Variants in FAM171A1 observed in about 807,000 individuals in gnomAD.
The protein encoded by FAM171A1 is family with sequence similarity 171 member A1.
In FAM171A1, 23 loss-of-function variants were observed where a neutral mutation model predicts 74.9. The ratio of observed to expected loss-of-function variants is 0.31; its 90% CI spans 0.22 to 0.44. The LOEUF is 0.44. Among genes scored for constraint, FAM171A1 ranks in the 20% least tolerant of loss-of-function variants. The pLI is 1.00. For synonymous variants in FAM171A1, 527 were observed against 505.7 expected (o/e 1.04, Z -0.57); for missense variants, 1,162 against 1,159.2 (o/e 1.00, Z -0.03).
At chr10:15,348,598 A>T (rs1010959897) in intron 1 of FAM171A1, among the ~76,000 whole-genome samples, 4 of 152,174 alleles carry the variant, frequency 2.6e-5, no homozygotes, top group Non-Finnish European at 4.4e-5. Context: ...CTAACCATCA[A>T]GCCTGGATGT....
chr10:15,213,782 G>A lies in FAM171A1; in HGVS notation c.1806C>T (p.Val602=). The change falls in exon 8 of 8, where the codon GTC becomes GTT. Residue 602 remains valine (V), a synonymous_variant. Coordinates refer to ENST00000378116, the MANE Select transcript of FAM171A1 (RefSeq NM_001010924.2). This position sits in a 1 kb window ranked among gnomAD's most constrained non-coding sequence, Gnocchi z 6.8. ...GDHSYVSQPL[V]VPADQQLEIE... ...TCTCAAGCTGCTGATCAGCCGGGAC[G>A]ACGAGGGGCTGGCTGACATAGGAGT... The A allele has an allele frequency of 6.2e-7, 1 of 1,614,148 alleles. No homozygotes were observed. The highest frequency in any genetic ancestry group is 8.5e-7 in the Non-Finnish European group (1 of 1,180,008).
At chr10:15,289,630 G>A (rs1835079792) in intron 1 of FAM171A1, among the ~76,000 whole-genome samples, 1 of 152,114 alleles carries the variant, frequency 6.6e-6, no homozygotes, top group Admixed American at 6.5e-5. Context: ...AGGCTGGAGG[G>A]AGCTATCCAA....
chr10:15,268,799 T>C (rs377127618), intron 3 of FAM171A1, among the ~76,000 whole-genome samples: 1 of 152,122 alleles, frequency 6.6e-6, no homozygotes, highest in Non-Finnish European at 1.5e-5. Flanking sequence ...CCCAACACTT[T>C]GGGAGGCCGA....
intron 1 of FAM171A1, among the ~76,000 whole-genome samples, chr10:15,327,802 A>G (rs1296557490): frequency 6.6e-6 from 1 of 152,122 alleles, no homozygotes; most frequent in Non-Finnish European, 1.5e-5. Context: ...GAGAGAATGG[A>G]AAAACTATGT....
intron 5 of FAM171A1, chr10:15,241,453 C>T (rs1265115846): frequency 1.3e-5 from 2 of 152,122 alleles, no homozygotes; most frequent in Admixed American, 6.6e-5. Flanking sequence ...AATGATTCAA[C>T]CCTGCGTTGT....
intron 1 of FAM171A1, among the ~76,000 whole-genome samples, chr10:15,296,390 T>G (rs773437770): frequency 6.6e-6 from 1 of 152,238 alleles, no homozygotes; most frequent in Non-Finnish European, 1.5e-5. Context: ...TTAATCTATA[T>G]AGAATACATC....
chr10:15,353,854 A>C (rs1228710316), intron 1 of FAM171A1, among the ~76,000 whole-genome samples: 6 of 152,190 alleles, frequency 3.9e-5, no homozygotes, highest in Non-Finnish European at 5.9e-5. Flanking sequence ...AGGAACCTGA[A>C]GTAAAGGGAG....
At chr10:15,373,263 C>T (rs563867609), upstream of FAM171A1, among the ~76,000 whole-genome samples, 1 of 152,160 alleles carries the variant, frequency 6.6e-6, no homozygotes, top group Admixed American at 6.6e-5. Flanking sequence ...GCTGGATTCC[C>T]TCCTTCTTCT....
intron 1 of FAM171A1, among the ~76,000 whole-genome samples, chr10:15,332,779 C>T (rs1351084466): frequency 6.6e-6 from 1 of 152,134 alleles, no homozygotes; most frequent in African/African-American, 2.4e-5. Flanking sequence ...CAGAATTGAA[C>T]TGAGAAATGG....
chr10:15,269,896 C>T (rs1459544626), intron 3 of FAM171A1, among the ~76,000 whole-genome samples: 2 of 152,218 alleles, frequency 1.3e-5, no homozygotes, highest in African/African-American at 2.4e-5. Context: ...CTGCTATCAC[C>T]ATCCAACAAT....
chr10:15,216,174 A>T (rs1833964505), intron 6 of FAM171A1, 64 bp from the exon 7 acceptor site: 2 of 1,038,844 alleles, frequency 1.9e-6, no homozygotes, highest in South Asian at 1.6e-5. Flanking sequence ...GGGATCATTC[A>T]TTGAGAACGC....
intron 3 of FAM171A1, among the ~76,000 whole-genome samples, chr10:15,258,540 A>C (rs967303969): frequency 2.6e-5 from 4 of 152,170 alleles, no homozygotes; most frequent in African/African-American, 9.7e-5. Context: ...ATAACAAGCA[A>C]ACATTACTCT....
chr10:15,237,742 C>T (rs552916326), intron 5 of FAM171A1: 1 of 151,784 alleles, frequency 6.6e-6, no homozygotes, highest in Non-Finnish European at 1.5e-5. Context: ...TATCTGTGAT[C>T]ACTTCAATCG....
intron 2 of FAM171A1, among the ~76,000 whole-genome samples, chr10:15,279,288 T>C (rs781689059): frequency 6.6e-6 from 1 of 152,242 alleles, no homozygotes; most frequent in African/African-American, 2.4e-5. Context: ...AATGATTCCT[T>C]GTTTTACTTT....
Position 15,336,210 on chromosome 10 carries a change from T to A in FAM171A1, c.97+34746A>T, listed in dbSNP as rs537772292. Among the ~76,000 whole-genome samples, 3 of 152,228 alleles carry A rather than the reference T, an allele frequency of 2.0e-5. No homozygotes were observed. In the South Asian group the frequency reaches 6.2e-4, roughly 32 times the overall value. ...AGAGAAACCTAGAGTCATACCAGGATGGAAAGCCACCATCTGTATGGCATC... is the reference window on the plus strand; with the variant it reads ...AGAGAAACCTAGAGTCATACCAGGAAGGAAAGCCACCATCTGTATGGCATC... On this transcript the variant is annotated intron_variant, in intron 1 of 7. Transcript: ENST00000378116.
intron 2 of FAM171A1, among the ~76,000 whole-genome samples, chr10:15,277,284 C>A (rs11259591): frequency 0.26 from 40,297 of 152,096 alleles, 5,502 homozygotes; most frequent in Middle Eastern, 0.3. Context: ...ATCGCGTGAT[C>A]TTGGCTCACT....
At chr10:15,271,237 T>C (rs938020412) in intron 3 of FAM171A1, among the ~76,000 whole-genome samples, 3 of 152,152 alleles carry the variant, frequency 2.0e-5, no homozygotes, top group Admixed American at 2.0e-4. Flanking sequence ...ACGTGACACA[T>C]GCACAAGCTT....
chr10:15,215,114 G>T (rs1833951310), intron 7 of FAM171A1, among the ~76,000 whole-genome samples: 1 of 152,094 alleles, frequency 6.6e-6, no homozygotes, highest in Non-Finnish European at 1.5e-5. Context: ...TGTCTGGAGA[G>T]CCCTTTGCCT....
chr10:15,263,607 C>T lies in FAM171A1; in HGVS notation c.419-8728G>A, dbSNP rs17156483. On this transcript the variant is annotated intron_variant, in intron 3 of 7. Coordinates refer to ENST00000378116, the MANE Select transcript of FAM171A1 (RefSeq NM_001010924.2). The stretch of plus-strand genomic sequence containing the variant: ...GCATCACCTAACACTGCAGAGAATA[C>T]GTGTGAGTCTTCTGACCCTTCCCCT... Among the ~76,000 whole-genome samples the T allele has an allele frequency of 8.3e-3, 1,270 of 152,260 alleles. 16 individuals carry two copies. The highest frequency in any genetic ancestry group is 0.029 in the African/African-American group (1,186 of 41,534).
Sources: allele counts gnomAD v4.1 joint callset (sites outside exome capture counted in the v4.1 genomes callset), GRCh38; gene constraint gnomAD v4.1.1; non-coding constraint Gnocchi (gnomAD v3.1); transcripts MANE v1.5; gene names NCBI Gene and HGNC (gene_info 2026-07-23, HGNC 2026-07-21).